The following GPC5 variants were observed in gnomAD, a reference collection of about 807,000 sequenced individuals.
GPC5 encodes the protein glypican-5.
In GPC5, 47 loss-of-function variants were observed where a neutral mutation model predicts 53.9. The ratio of observed to expected loss-of-function variants is 0.87; its 90% CI spans 0.69 to 1.11. The LOEUF (loss-of-function observed/expected upper bound fraction) is 1.11, where lower values mean the gene tolerates loss of function less well. Ranked by LOEUF, GPC5 falls within the 50% of genes most tolerant of loss-of-function variation. The pLI, the probability that GPC5 is intolerant of heterozygous loss-of-function variation, is 0.00. For synonymous variants in GPC5, 286 were observed against 263.3 expected, an observed-to-expected ratio of 1.09 and a Z score of -0.84; for missense variants, 748 against 713.1, an observed-to-expected ratio of 1.05 and a Z score of -0.56.
At chr13:92,203,556 G>T (rs2042310406) in intron 7 of GPC5, among the ~76,000 whole-genome samples, 2 of 140,580 alleles carry the variant, frequency 1.4e-5, no homozygotes, top group Non-Finnish European at 3.1e-5. Flanking sequence ...ATTAGTGGGT[G>T]CAGCGCACCA....
chr13:91,423,091 C>A (rs1223371665), intron 1 of GPC5, among the ~76,000 whole-genome samples: 1 of 152,086 alleles, frequency 6.6e-6, no homozygotes, highest in African/African-American at 2.4e-5. Flanking sequence ...AATCTGGGAA[C>A]AAGAAATAAT....
chr13:91,499,338 T>C (rs1283714816), intron 2 of GPC5, among the ~76,000 whole-genome samples: 4 of 152,066 alleles, frequency 2.6e-5, no homozygotes, highest in Non-Finnish European at 5.9e-5. Context: ...ATCTGAGTCC[T>C]GAGCAAAGAA....
chr13:91,724,367 A>T (rs2036535165), intron 3 of GPC5, among the ~76,000 whole-genome samples: 1 of 152,070 alleles, frequency 6.6e-6, no homozygotes, highest in Non-Finnish European at 1.5e-5. Context: ...AGTTACCCTG[A>T]CATCCAAGGG....
intron 2 of GPC5, among the ~76,000 whole-genome samples, chr13:91,477,570 C>A (rs1327717667): frequency 6.6e-6 from 1 of 152,110 alleles, no homozygotes; most frequent in Admixed American, 6.5e-5. Context: ...GTTGGACATA[C>A]AAATTTTGGA....
chr13:91,766,615 C>T (rs905537004), intron 5 of GPC5, among the ~76,000 whole-genome samples: 12 of 152,158 alleles, frequency 7.9e-5, no homozygotes, highest in Admixed American at 1.3e-4. Context: ...GTAATCCCAG[C>T]GCTTCGGGAG....
intron 2 of GPC5, among the ~76,000 whole-genome samples, chr13:91,534,736 G>A (rs1220272954): frequency 6.6e-6 from 1 of 152,092 alleles, no homozygotes; most frequent in African/African-American, 2.4e-5. Context: ...ACTGAATCCT[G>A]GAAATTGTAA....
chr13:91,424,180 G>A (rs1566382463), intron 1 of GPC5, among the ~76,000 whole-genome samples: 2 of 152,098 alleles, frequency 1.3e-5, no homozygotes. Flanking sequence ...GGACCTCATA[G>A]TAACTGATAG....
intron 2 of GPC5, among the ~76,000 whole-genome samples, chr13:91,655,801 G>A (rs546759908): frequency 6.6e-6 from 1 of 152,010 alleles, no homozygotes; most frequent in African/African-American, 2.4e-5. Context: ...AAAAATTATG[G>A]AGTCAATTGC....
chr13:92,854,774 T>C (rs1878939367), intron 7 of GPC5, among the ~76,000 whole-genome samples: 2 of 152,058 alleles, frequency 1.3e-5, no homozygotes, highest in Non-Finnish European at 2.9e-5. Context: ...GAGTTCCTTA[T>C]AAATTCAGGA....
chr13:92,528,933 A>G (rs1258929258), intron 7 of GPC5, among the ~76,000 whole-genome samples: 2 of 152,100 alleles, frequency 1.3e-5, no homozygotes, highest in Non-Finnish European at 2.9e-5. Flanking sequence ...CAGGATAAGA[A>G]CTGTGAAAAT....
chr13:92,436,943 TTTAA>T (rs1265796494), intron 7 of GPC5, among the ~76,000 whole-genome samples: 9 of 152,156 alleles, frequency 5.9e-5, no homozygotes, highest in African/African-American at 1.9e-4. Flanking sequence ...ATTTTATAAC[TTTAA>T]TTATTTAAAG....
chr13:91,496,409 A>G (rs1884265959), intron 2 of GPC5, among the ~76,000 whole-genome samples: 7 of 152,250 alleles, frequency 4.6e-5, no homozygotes, highest in Admixed American at 4.6e-4. Context: ...TGGATAAAGA[A>G]AATGTGGTAC....
intron 2 of GPC5, among the ~76,000 whole-genome samples, chr13:91,631,939 C>T (rs575093901): frequency 2.0e-5 from 3 of 152,174 alleles, no homozygotes; most frequent in Admixed American, 6.6e-5. Context: ...GGAAGTCCAA[C>T]CAAGGTCTTA....
intron 6 of GPC5, among the ~76,000 whole-genome samples, chr13:92,037,425 G>A (rs116637477): frequency 0.015 from 2,291 of 152,222 alleles, 54 homozygotes; most frequent in African/African-American, 0.052. Context: ...AGTCTTCCCT[G>A]ACTGCTTTAT....
chr13:91,659,388 G>A (rs149841118), intron 2 of GPC5, among the ~76,000 whole-genome samples: 26 of 152,220 alleles, frequency 1.7e-4, no homozygotes, highest in African/African-American at 6.3e-4. Flanking sequence ...TGTGGGCCCT[G>A]TATGTTAGTT....
At chr13:92,260,082 C>G (rs1405779662) in intron 7 of GPC5, among the ~76,000 whole-genome samples, 1 of 152,184 alleles carries the variant, frequency 6.6e-6, no homozygotes, top group African/African-American at 2.4e-5. Context: ...TCAAGCCTCT[C>G]TACTCACTAA....
At chr13:92,534,495 A>C (rs1193199832) in intron 7 of GPC5, among the ~76,000 whole-genome samples, 1 of 152,196 alleles carries the variant, frequency 6.6e-6, no homozygotes, top group East Asian at 1.9e-4. Context: ...GCATTTTTCA[A>C]ACATAACATT....
intron 7 of GPC5, among the ~76,000 whole-genome samples, chr13:92,486,915 G>A (rs1879576230): frequency 6.6e-6 from 1 of 152,012 alleles, no homozygotes; most frequent in Non-Finnish European, 1.5e-5. Flanking sequence ...GAGTGCAGAG[G>A]CGTTATCTCG....
chr13:91,945,762 A>T (rs1490173418), intron 6 of GPC5, among the ~76,000 whole-genome samples: 1 of 152,068 alleles, frequency 6.6e-6, no homozygotes, highest in African/African-American at 2.4e-5. Context: ...GTAGTGCCCA[A>T]AATGGTTTGG....
Sources: allele counts gnomAD v4.1 joint callset (sites outside exome capture counted in the v4.1 genomes callset), GRCh38; gene constraint gnomAD v4.1.1; transcripts MANE v1.5; gene names NCBI Gene and HGNC (gene_info 2026-07-23, HGNC 2026-07-21).